Variants in MECOM observed in about 807,000 individuals in gnomAD.
MECOM encodes the protein histone-lysine N-methyltransferase MECOM.
Under a neutral mutation model 116.3 loss-of-function variants are expected in MECOM, and 13 were observed. The ratio of observed to expected loss-of-function variants is 0.11; its 90% CI spans 0.07 to 0.18. The LOEUF (loss-of-function observed/expected upper bound fraction) is 0.18. MECOM is among the 10% of genes least tolerant of loss of function. MECOM has a pLI of 1.00. For missense variants in MECOM, 1,299 were observed against 1,509.0 expected (o/e 0.86, Z 2.31); for synonymous variants, 528 against 535.2 (o/e 0.99, Z 0.19).
At chr3:169,119,694 C>T (rs1430176960) in intron 7 of MECOM, among the ~76,000 whole-genome samples, 1 of 151,962 alleles carries the variant, frequency 6.6e-6, no homozygotes, top group Non-Finnish European at 1.5e-5. Context: ...TATTTAATAT[C>T]GTATGCCTGT....
At chr3:169,598,590 T>A (rs931888878) in intron 1 of MECOM, among the ~76,000 whole-genome samples, 2 of 152,322 alleles carry the variant, frequency 1.3e-5, no homozygotes, top group Non-Finnish European at 2.9e-5. Context: ...TGGTTTTCAA[T>A]TCTACCGCCA....
chr3:169,459,003 A>C (rs1290190617), intron 1 of MECOM, among the ~76,000 whole-genome samples: 4 of 151,796 alleles, frequency 2.6e-5, no homozygotes, highest in Admixed American at 2.6e-4. Context: ...TGATGACTCG[A>C]TTCCCTTACA....
At chr3:169,491,271 G>A (rs889665433) in intron 1 of MECOM, among the ~76,000 whole-genome samples, 1 of 152,120 alleles carries the variant, frequency 6.6e-6, no homozygotes, top group Non-Finnish European at 1.5e-5. Context: ...CTCCAGAGAC[G>A]ATTGCTGACC....
At chr3:169,289,410 T>C (rs565088106) in intron 2 of MECOM, among the ~76,000 whole-genome samples, 1 of 152,328 alleles carries the variant, frequency 6.6e-6, no homozygotes, top group Non-Finnish European at 1.5e-5. Flanking sequence ...TGGTTACTTA[T>C]TTTTATGTCC....
At chr3:169,253,927 TAATTGATG>T (rs1756554238) in intron 2 of MECOM, among the ~76,000 whole-genome samples, 1 of 152,156 alleles carries the variant, frequency 6.6e-6, no homozygotes, top group Non-Finnish European at 1.5e-5. Flanking sequence ...TCCAATAGCA[TAATTGATG>T]ACTCATATCA....
intron 2 of MECOM, among the ~76,000 whole-genome samples, chr3:169,261,875 TAC>T (rs1757601630): frequency 6.6e-6 from 1 of 152,238 alleles, no homozygotes; most frequent in African/African-American, 2.4e-5. Context: ...AATGCAGAAG[TAC>T]AGACAGGCAC....
At chr3:169,162,288 G>A (rs1351679848) in intron 2 of MECOM, among the ~76,000 whole-genome samples, 1 of 152,160 alleles carries the variant, frequency 6.6e-6, no homozygotes, top group Non-Finnish European at 1.5e-5. Context: ...TTAGAAGGCA[G>A]AGGAAACAAA....
At chr3:169,225,074 G>A (rs758040303) in intron 2 of MECOM, among the ~76,000 whole-genome samples, 2 of 152,154 alleles carry the variant, frequency 1.3e-5, no homozygotes, top group African/African-American at 2.4e-5. Context: ...TCAAAGCAGA[G>A]ATGATATTGA....
intron 2 of MECOM, among the ~76,000 whole-genome samples, chr3:169,270,343 T>C (rs138240836): frequency 6.6e-6 from 1 of 152,236 alleles, no homozygotes; most frequent in East Asian, 1.9e-4. Flanking sequence ...TCATGGATTA[T>C]TGAAGTAGGA....
rs71300479 is a variant in MECOM at position 169,276,997 on chromosome 3, T to TACACAC, written c.375+104184_375+104189dup. Among the ~76,000 whole-genome samples the TACACAC allele has an allele frequency of 4.6e-3, 662 of 144,506 alleles. 1 individual carries two copies. The highest frequency in any genetic ancestry group is 0.015 in the East Asian group (76 of 4,936). 94.8% of individuals were successfully genotyped at this position (144,506 alleles called of 152,430 possible). ...ACATACAACATGAGCTAATTTATGT[T>TACACAC]ACACACACACACACACACACACACA... On this transcript the variant is annotated intron_variant, in intron 2 of 16. Coordinates refer to ENST00000651503, the MANE Select transcript of MECOM (RefSeq NM_004991.4).
At chr3:169,103,232 G>A (rs1178027373) in intron 10 of MECOM, among the ~76,000 whole-genome samples, 1 of 151,782 alleles carries the variant, frequency 6.6e-6, no homozygotes, top group African/African-American at 2.4e-5. Flanking sequence ...GTCTCCCAAA[G>A]TGCTGGGATT....
intron 1 of MECOM, among the ~76,000 whole-genome samples, chr3:169,656,825 C>T (rs1775598039): frequency 6.6e-6 from 1 of 152,036 alleles, no homozygotes; most frequent in Non-Finnish European, 1.5e-5. Flanking sequence ...AGATGTGGTC[C>T]ACACTTTCAA....
chr3:169,351,133 A>C (rs940077952), intron 2 of MECOM, among the ~76,000 whole-genome samples: 7 of 151,854 alleles, frequency 4.6e-5, no homozygotes, highest in African/African-American at 9.7e-5. Context: ...ATTTAGAAAA[A>C]CACATTAATG....
intron 2 of MECOM, among the ~76,000 whole-genome samples, chr3:169,259,968 T>C (rs1297597648): frequency 3.3e-5 from 5 of 152,148 alleles, no homozygotes; most frequent in Non-Finnish European, 7.4e-5. Flanking sequence ...CCCTGCAAAA[T>C]GGGTTCTTAT....
At chr3:169,429,451 A>G (rs1364223719) in intron 1 of MECOM, among the ~76,000 whole-genome samples, 1 of 152,228 alleles carries the variant, frequency 6.6e-6, no homozygotes, top group Non-Finnish European at 1.5e-5. Flanking sequence ...GAATGTATCT[A>G]TCTTATTCTC....
intron 1 of MECOM, among the ~76,000 whole-genome samples, chr3:169,433,635 GAAAGAGAAAGAAAGAAAGAAAGAAAGAA>G (rs1742045091): frequency 1.2e-5 from 1 of 86,350 alleles, no homozygotes; most frequent in East Asian, 3.0e-4. Flanking sequence ...GAAAGAAAGA[GAAAGAGAAAGAAAGAAAGAAAGAAAGAA>G]AGAAAGAAAG....
intron 2 of MECOM, among the ~76,000 whole-genome samples, chr3:169,272,297 T>G (rs553290574): frequency 6.6e-6 from 1 of 152,214 alleles, no homozygotes; most frequent in Non-Finnish European, 1.5e-5. Flanking sequence ...CAAAGAGAAG[T>G]GGCTAACATG....
chr3:169,310,826 A>C lies in MECOM; in HGVS notation c.375+70361T>G, dbSNP rs894905175. ...CAGACATAGCTGTGTTCTTTCTCAC[A>C]GCTTGTCTTCTTAAAAGGATTTTAG... On this transcript the variant is annotated intron_variant, in intron 2 of 16. Coordinates refer to ENST00000651503, the MANE Select transcript of MECOM (RefSeq NM_004991.4). Among the ~76,000 whole-genome samples, 4 of 152,172 alleles carry C rather than the reference A, an allele frequency of 2.6e-5. No individual in the cohort carries two copies. In the East Asian group the frequency reaches 7.7e-4, roughly 29 times the overall value.
At chr3:169,313,797 G>T (rs1481968987) in intron 2 of MECOM, among the ~76,000 whole-genome samples, 1 of 152,210 alleles carries the variant, frequency 6.6e-6, no homozygotes, top group African/African-American at 2.4e-5. Context: ...TGGAGAATCA[G>T]ATCAAACTAG....
Sources: allele counts gnomAD v4.1 joint callset (sites outside exome capture counted in the v4.1 genomes callset), GRCh38; gene constraint gnomAD v4.1.1; transcripts MANE v1.5; gene names NCBI Gene and HGNC (gene_info 2026-07-23, HGNC 2026-07-21).